The following SPACA7 variants were observed in gnomAD, a reference collection of about 807,000 sequenced individuals.
SPACA7 encodes the protein sperm acrosome associated 7, also known as sperm acrosome-associated protein 7.
A neutral mutation model predicts 26.3 loss-of-function variants in SPACA7; 19 were observed. The ratio of observed to expected loss-of-function variants is 0.72; its 90% confidence interval spans 0.50 to 1.06. The LOEUF is 1.06. Ranked by LOEUF, SPACA7 falls within the 50% of genes least tolerant of loss-of-function variation. The pLI, the probability that SPACA7 is intolerant of heterozygous loss-of-function variation, is 0.00. For missense variants in SPACA7, 211 were observed against 229.9 expected (o/e 0.92, Z 0.53); for synonymous variants, 84 against 84.5 (o/e 0.99, Z 0.04).
chr13:112,428,332 C>A (rs1437202790), intron 5 of SPACA7, among the ~76,000 whole-genome samples: 5 of 152,148 alleles, frequency 3.3e-5, no homozygotes, highest in Non-Finnish European at 7.3e-5. Context: ...GTAATCCCAG[C>A]ACTTTGGGAG....
chr13:112,393,039 C>T lies in SPACA7; in HGVS notation c.113C>T (p.Pro38Leu). Residue 38 changes from proline (P) to leucine (L), a missense_variant, in exon 2 of 7, where the codon CCA becomes CTA. Pro to Leu is a moderately conservative substitution (Grantham distance 98). Coordinates refer to ENST00000283550, the MANE Select transcript of SPACA7 (RefSeq NM_145248.5). ...CTTCTAGGTTCACCTACTGAAATAC[C>T]ATTCAGTTCAAAACAGGAGGATATG... ...TVIPGSPTEI[P>L]FSSKQEDMSE... The T allele has an allele frequency of 1.2e-6, 2 of 1,611,798 alleles. No homozygotes were observed. The highest frequency in any genetic ancestry group is 1.7e-6 in the Non-Finnish European group (2 of 1,178,448).
chr13:112,403,189 A>T (rs1350197660), intron 5 of SPACA7, among the ~76,000 whole-genome samples: 2 of 152,064 alleles, frequency 1.3e-5, no homozygotes, highest in Non-Finnish European at 2.9e-5. Context: ...TTTCTTAATC[A>T]ATGGGGTCAA....
At chr13:112,410,633 A>G (rs1435473694) in intron 5 of SPACA7, among the ~76,000 whole-genome samples, 8 of 152,148 alleles carry the variant, frequency 5.3e-5, no homozygotes, top group Non-Finnish European at 1.0e-4. Flanking sequence ...AGTCCAATTC[A>G]GACTATTAAA....
intron 5 of SPACA7, among the ~76,000 whole-genome samples, chr13:112,419,315 G>T (rs1333240018): frequency 6.6e-6 from 1 of 152,080 alleles, no homozygotes; most frequent in Non-Finnish European, 1.5e-5. Flanking sequence ...AAAATCCAGA[G>T]GCCCCAGGCA....
intron 2 of SPACA7, among the ~76,000 whole-genome samples, chr13:112,397,566 C>T (rs1330957510): frequency 6.6e-6 from 1 of 152,204 alleles, no homozygotes; most frequent in Non-Finnish European, 1.5e-5. Flanking sequence ...GTGTTTTTTC[C>T]GGGTCTGTCA....
intron 6 of SPACA7, among the ~76,000 whole-genome samples, chr13:112,432,933 T>G (rs1877311346): frequency 6.6e-6 from 1 of 152,014 alleles, no homozygotes; most frequent in Non-Finnish European, 1.5e-5. Flanking sequence ...TCTCGTGGGG[T>G]GGGGACCCCC....
chr13:112,413,373 T>A (rs1170340461), intron 5 of SPACA7, among the ~76,000 whole-genome samples: 1 of 151,838 alleles, frequency 6.6e-6, no homozygotes, highest in Non-Finnish European at 1.5e-5. Flanking sequence ...GAGTTGTTTT[T>A]TTTTTTCCTT....
chr13:112,387,260 T>A (rs1384038172), intron 1 of SPACA7, among the ~76,000 whole-genome samples: 1 of 152,218 alleles, frequency 6.6e-6, no homozygotes, highest in African/African-American at 2.4e-5. Flanking sequence ...GGAAAGTAAC[T>A]GCACATGATC....
chr13:112,380,494 A>G (rs964585025), intron 1 of SPACA7, among the ~76,000 whole-genome samples: 2 of 152,010 alleles, frequency 1.3e-5, no homozygotes, highest in Non-Finnish European at 2.9e-5. Context: ...CCAGTACTGC[A>G]TTGCTACACT....
At chr13:112,389,301 G>A (rs959546455) in intron 1 of SPACA7, among the ~76,000 whole-genome samples, 4 of 152,158 alleles carry the variant, frequency 2.6e-5, no homozygotes, top group African/African-American at 9.7e-5. Flanking sequence ...TTTTACAAAG[G>A]TGGCTTCACT....
At chr13:112,390,007 C>T (rs1928939) in intron 1 of SPACA7, among the ~76,000 whole-genome samples, 52,439 of 152,070 alleles carry the variant, frequency 0.34, 10,745 homozygotes, top group Non-Finnish European at 0.47. Flanking sequence ...AATGCCCCAC[C>T]TGTTTCCAGT....
chr13:112,388,759 C>T (rs1000695790), intron 1 of SPACA7, among the ~76,000 whole-genome samples: 1 of 152,206 alleles, frequency 6.6e-6, no homozygotes, highest in African/African-American at 2.4e-5. Flanking sequence ...TTTTTTATTA[C>T]TCAAATCAGT....
chr13:112,417,579 C>T (rs59823640), intron 5 of SPACA7, among the ~76,000 whole-genome samples: 39,357 of 151,948 alleles, frequency 0.26, 5,484 homozygotes, highest in South Asian at 0.38. Flanking sequence ...GGAGCCTACT[C>T]CTTATTTTTT....
At position 112,399,047 on chromosome 13, in the gene SPACA7, T is replaced by C. The variant is rs549982706; in HGVS notation, c.242-19T>C. 3 of 1,507,920 alleles carry C rather than the reference T, an allele frequency of 2.0e-6. No homozygotes were observed. Among genetic ancestry groups the C allele is most frequent in the Middle Eastern group, 1.8e-4 (1 of 5,632 alleles). 93.4% of individuals were successfully genotyped at this position (1,507,920 alleles called of 1,614,324 possible). A position where few individuals can be genotyped will look rare whatever the true frequency, so the allele number is the denominator to read the frequency against. On this transcript the variant is annotated intron_variant, in intron 3 of 6. Transcript: ENST00000283550. The stretch of plus-strand genomic sequence containing the variant: ...TCAAGAAAACTTTTCCCCATTTTTT[T>C]CCATGTTCTTCATTGAAGATGCTGG...
intron 1 of SPACA7, among the ~76,000 whole-genome samples, chr13:112,383,139 AAGAAAGAAAG>A (rs1566453296): frequency 3.8e-5 from 2 of 52,262 alleles, no homozygotes; most frequent in Non-Finnish European, 7.3e-5. Context: ...GAAAGAAAGA[AAGAAAGAAAG>A]AAAGAAAGAA....
chr13:112,385,765 AG>A (rs778861342), intron 1 of SPACA7, among the ~76,000 whole-genome samples: 1 of 152,238 alleles, frequency 6.6e-6, no homozygotes, highest in African/African-American at 2.4e-5. Context: ...AATGCATTAA[AG>A]TTTCTACTTT....
chr13:112,385,253 T>A (rs943733748), intron 1 of SPACA7, among the ~76,000 whole-genome samples: 13 of 152,204 alleles, frequency 8.5e-5, no homozygotes, highest in African/African-American at 3.1e-4. Flanking sequence ...TCTTTAAAAC[T>A]CTCTGAACTA....
At chr13:112,419,828 C>T (rs151157547) in intron 5 of SPACA7, among the ~76,000 whole-genome samples, 1 of 152,148 alleles carries the variant, frequency 6.6e-6, no homozygotes, top group Non-Finnish European at 1.5e-5. Flanking sequence ...AGGGAGTAAC[C>T]AGTGAAGGGA....
chr13:112,387,319 C>A (rs1210643940), intron 1 of SPACA7, among the ~76,000 whole-genome samples: 1 of 152,156 alleles, frequency 6.6e-6, no homozygotes, highest in Non-Finnish European at 1.5e-5. Context: ...AAATTTCATC[C>A]AGTATTGGTT....
Sources: gnomAD v4.1 joint callset for allele counts (sites outside exome capture counted in the v4.1 genomes callset) on GRCh38, gnomAD v4.1.1 for gene constraint, MANE v1.5 for transcripts, NCBI Gene and HGNC (gene_info 2026-07-23, HGNC 2026-07-21) for gene names.